The following PEX14 variants were observed in gnomAD, a reference collection of about 807,000 sequenced individuals.
PEX14 encodes the protein peroxisomal biogenesis factor 14.
In PEX14, 15 loss-of-function variants were observed where a neutral mutation model predicts 49.5. The ratio of observed to expected loss-of-function variants is 0.30; its 90% CI spans 0.20 to 0.47. The LOEUF is 0.47. Among genes scored for constraint, PEX14 ranks in the 20% least tolerant of loss-of-function variants. The probability of loss-of-function intolerance (pLI) is 1.00; values close to 1 mark genes in which losing one functional copy is unlikely to be tolerated. For missense variants in PEX14, 398 were observed against 494.8 expected (o/e 0.80, Z 1.86); for synonymous variants, 210 against 212.7 (o/e 0.99, Z 0.11).
intron 3 of PEX14, among the ~76,000 whole-genome samples, chr1:10,565,548 G>C (rs988601302): frequency 1.3e-5 from 2 of 152,270 alleles, no homozygotes; most frequent in Admixed American, 1.3e-4. Flanking sequence ...GCCTCTCAAT[G>C]CTGTTTTGAT....
intron 3 of PEX14, among the ~76,000 whole-genome samples, chr1:10,568,687 G>T (rs1190934679): frequency 6.6e-6 from 1 of 152,076 alleles, no homozygotes; most frequent in African/African-American, 2.4e-5. Flanking sequence ...CATGCCCTCA[G>T]ACATCATGAA....
intron 3 of PEX14, among the ~76,000 whole-genome samples, chr1:10,589,501 C>T (rs1640596890): frequency 6.6e-6 from 1 of 152,204 alleles, no homozygotes; most frequent in South Asian, 2.1e-4. Context: ...ATCCCCACCT[C>T]AGCCTCCCAA....
chr1:10,492,800 A>G (rs1418329646), intron 1 of PEX14, among the ~76,000 whole-genome samples: 1 of 152,236 alleles, frequency 6.6e-6, no homozygotes, highest in Non-Finnish European at 1.5e-5. Flanking sequence ...ATACAGTGAT[A>G]AGCAAACACA....
chr1:10,521,114 T>C (rs900558981), intron 2 of PEX14, among the ~76,000 whole-genome samples: 1 of 152,058 alleles, frequency 6.6e-6, no homozygotes, highest in African/African-American at 2.4e-5. Flanking sequence ...CCTGTTTTTG[T>C]TTTTCTTCTA....
chr1:10,477,566 A>G (rs939602264), intron 1 of PEX14, among the ~76,000 whole-genome samples: 2 of 152,340 alleles, frequency 1.3e-5, no homozygotes, highest in South Asian at 2.1e-4. Flanking sequence ...CTTGTTGTGT[A>G]GGGTTAGAAC....
At chr1:10,547,935 G>A (rs970851242) in intron 3 of PEX14, among the ~76,000 whole-genome samples, 1 of 152,118 alleles carries the variant, frequency 6.6e-6, no homozygotes, top group African/African-American at 2.4e-5. Context: ...AAACTTGTTG[G>A]CTGGGTGCAG....
chr1:10,605,243 G>A (rs1179091037), intron 4 of PEX14, among the ~76,000 whole-genome samples: 1 of 152,148 alleles, frequency 6.6e-6, no homozygotes, highest in Non-Finnish European at 1.5e-5. Context: ...CTGGTGGTCG[G>A]TCGGTGATAC....
At chr1:10,600,633 A>G (rs1570331873) in intron 4 of PEX14, among the ~76,000 whole-genome samples, 1 of 146,648 alleles carries the variant, frequency 6.8e-6, no homozygotes, top group African/African-American at 2.5e-5. Context: ...CAGGAGAATC[A>G]CTTAAACCCA....
chr1:10,606,446 T>C (rs1205504415), intron 4 of PEX14, among the ~76,000 whole-genome samples: 2 of 152,208 alleles, frequency 1.3e-5, no homozygotes, highest in Non-Finnish European at 2.9e-5. Flanking sequence ...GGCTGAGATG[T>C]AGTCCTGATC....
chr1:10,531,494 G>A (rs185170395), intron 2 of PEX14, among the ~76,000 whole-genome samples: 33 of 152,272 alleles, frequency 2.2e-4, no homozygotes, highest in Admixed American at 5.9e-4. Flanking sequence ...GTGTATGAAC[G>A]TAGGAACCTT....
chr1:10,493,554 A>G (rs953778838), intron 1 of PEX14, among the ~76,000 whole-genome samples: 4 of 152,056 alleles, frequency 2.6e-5, no homozygotes, highest in African/African-American at 9.7e-5. Context: ...CAGCTTCCCA[A>G]ATAGCTGGGA....
At chr1:10,478,028 AC>A (rs1641226192) in intron 1 of PEX14, among the ~76,000 whole-genome samples, 1 of 152,024 alleles carries the variant, frequency 6.6e-6, no homozygotes, top group South Asian at 2.1e-4. Flanking sequence ...AGCTGGGGCT[AC>A]AGGTATGCAC....
At position 10,630,209 on chromosome 1, in the gene PEX14, C is replaced by A. The variant is rs1269219723; in HGVS notation, c.*222C>A. On this transcript the variant is annotated 3_prime_UTR_variant, in exon 9 of 9. Transcript: ENST00000356607. The surrounding 1 kb of genome is among the most constrained non-coding windows in gnomAD (Gnocchi z 4.1). Reference sequence around the variant, plus strand: ...CCAGCCCCAGCCCCAGCCCCAGCCCCAGGCCCAGCTGCCTTTGGCTTTGAT... The same window carrying A: ...CCAGCCCCAGCCCCAGCCCCAGCCCAAGGCCCAGCTGCCTTTGGCTTTGAT... The A allele has an allele frequency of 1.4e-6, 1 of 696,408 alleles. No individual in the cohort carries two copies. Among genetic ancestry groups the A allele is most frequent in the Admixed American group, 2.9e-5 (1 of 34,102 alleles). The allele number at this position is 696,408 out of a possible 1,614,324, so 43.1% of individuals were successfully genotyped here.
chr1:10,503,878 C>T (rs2186949), intron 2 of PEX14, among the ~76,000 whole-genome samples: 65,753 of 151,664 alleles, frequency 0.43, 14,760 homozygotes, highest in Non-Finnish European at 0.51. Context: ...GGATTACAGG[C>T]GCCCACCACC....
At chr1:10,499,417 C>T (rs1246273983) in intron 2 of PEX14, among the ~76,000 whole-genome samples, 1 of 150,276 alleles carries the variant, frequency 6.7e-6, no homozygotes, top group Admixed American at 6.7e-5. Context: ...TTTCCTGCAT[C>T]TCTCCACCAA....
chr1:10,630,139 TG>T lies in PEX14; in HGVS notation c.*156del, dbSNP rs2124651500. ...GCTGCACTGCGGCCTGGTGGCAGTGTGGGGAGTCACACTTCTGTCCACCTGG... is the reference window on the plus strand; with the variant it reads ...GCTGCACTGCGGCCTGGTGGCAGTGTGGGAGTCACACTTCTGTCCACCTGG... On this transcript the variant is annotated 3_prime_UTR_variant, in exon 9 of 9. Transcript: ENST00000356607. The surrounding 1 kb of genome is among the most constrained non-coding windows in gnomAD (Gnocchi z 4.1). 1 of 1,232,714 alleles carries T rather than the reference TG, an allele frequency of 8.1e-7. No individual in the cohort carries two copies. Among genetic ancestry groups the T allele is most frequent in the Non-Finnish European group, 1.1e-6 (1 of 901,950 alleles). The allele number at this position is 1,232,714 out of a possible 1,614,324, so 76.4% of individuals were successfully genotyped here. A position where few individuals can be genotyped will look rare whatever the true frequency, so the allele number is the denominator to read the frequency against.
At position 10,611,902 on chromosome 1, in the gene PEX14, T is replaced by C. The variant is rs546813790; in HGVS notation, c.299-6430T>C. Among the ~76,000 whole-genome samples the C allele has an allele frequency of 1.6e-3, 243 of 152,370 alleles. 1 individual carries two copies. Among genetic ancestry groups the C allele is most frequent in the Non-Finnish European group, 2.8e-3 (193 of 68,038 alleles). ...CTAGTTACAAGTGCTTTGTCAGATA[T>C]ATGCTTGGCAGATATTTTCTCCCAG... On this transcript the variant is annotated intron_variant, in intron 4 of 8. Transcript: ENST00000356607.
intron 3 of PEX14, among the ~76,000 whole-genome samples, chr1:10,594,824 G>C (rs968862485): frequency 2.8e-5 from 1 of 36,206 alleles, no homozygotes; most frequent in Admixed American, 4.2e-4. Context: ...CATCACAATC[G>C]CAGCCTGTAC....
At chr1:10,482,665 C>G (rs1641302631) in intron 1 of PEX14, among the ~76,000 whole-genome samples, 1 of 152,100 alleles carries the variant, frequency 6.6e-6, no homozygotes, top group Non-Finnish European at 1.5e-5. Flanking sequence ...ATGTCTTGAC[C>G]TCATGATCCA....
Sources: allele counts gnomAD v4.1 joint callset (sites outside exome capture counted in the v4.1 genomes callset), GRCh38; gene constraint gnomAD v4.1.1; non-coding constraint Gnocchi (gnomAD v3.1); transcripts MANE v1.5; gene names NCBI Gene and HGNC (gene_info 2026-07-23, HGNC 2026-07-21).